Variants in CLCA4 observed in about 807,000 individuals in gnomAD.
CLCA4 encodes the protein calcium-activated chloride channel regulator 4.
CLCA4 carries 69 observed loss-of-function variants against 78.9 expected under a neutral mutation model. The ratio of observed to expected loss-of-function variants is 0.87; its 90% CI spans 0.72 to 1.07. CLCA4 has a LOEUF of 1.07. Ranked by LOEUF, CLCA4 falls within the 50% of genes least tolerant of loss-of-function variation. The pLI is 0.00. For missense variants in CLCA4, 1,133 were observed against 1,095.8 expected (o/e 1.03, Z -0.48); for synonymous variants, 362 against 375.8 (o/e 0.96, Z 0.42).
chr1:86,580,304 T>A lies in CLCA4; in HGVS notation c.2719T>A (p.Ser907Thr). ...ISTLVLSVIG[S>T]VVIVNFILST... is the part of the protein sequence containing the mutation. ...TACGCTGGTATTGTCTGTGATTGGG[T>A]CTGTTGTAATTGTTAACTTTATTTT... Residue 907 changes from serine to threonine, a missense_variant, in exon 14 of 14, where the codon TCT becomes ACT. Coordinates refer to ENST00000370563, the MANE Select transcript of CLCA4 (RefSeq NM_012128.4). 1 of 1,605,904 alleles carries A rather than the reference T, an allele frequency of 6.2e-7. No individual in the cohort carries two copies. Among genetic ancestry groups the A allele is most frequent in the Non-Finnish European group, 8.5e-7 (1 of 1,177,424 alleles).
rs1456176534 is a variant in CLCA4 at position 86,575,376 on chromosome 1, A to G, written c.1728A>G (p.Glu576=). Residue 576 remains glutamate (E), a synonymous_variant, in exon 11 of 14, where the codon GAA becomes GAG. Transcript: ENST00000370563. ...AYNLQAKANP[E]TLTITVTSRA... is the part of the protein sequence containing the mutation. ...ATCTTCAAGCCAAAGCGAACCCAGAAACATTAACTATTACAGTAACTTCTC... is the reference window on the plus strand; with the variant it reads ...ATCTTCAAGCCAAAGCGAACCCAGAGACATTAACTATTACAGTAACTTCTC... The G allele has an allele frequency of 6.2e-7, 1 of 1,613,388 alleles. No individual in the cohort carries two copies. The highest frequency in any genetic ancestry group is 1.7e-5 in the Admixed American group (1 of 59,940).
intron 3 of CLCA4, 99 bp downstream of exon 3, chr1:86,560,457 C>A: frequency 8.5e-7 from 1 of 1,182,796 alleles, no homozygotes; most frequent in Non-Finnish European, 1.2e-6. Flanking sequence ...TCCCTAGAAT[C>A]AAATCCTGGC....
In CLCA4 at chr1:86,575,527, G is replaced by A. The variant is rs1291579484; in HGVS notation, c.1879G>A (p.Ala627Thr). The A allele has an allele frequency of 2.5e-6, 4 of 1,613,308 alleles. No homozygotes were observed. The African/African-American group carries it at 5.3e-5, about 22-fold the overall frequency. Residue 627 changes from alanine (A) to threonine (T), a missense_variant, in exon 11 of 14, where the codon GCC becomes ACC. Ala to Thr is a moderately conservative substitution (Grantham distance 58). Coordinates refer to ENST00000370563, the MANE Select transcript of CLCA4 (RefSeq NM_012128.4). ...ACAAGGATATGTACCTGTTCTTGGA[G>A]CCAATGTGACTGCTTTCATTGAATC... ...ILQGYVPVLG[A>T]NVTAFIESQN...
At chr1:86,553,083 C>T in intron 1 of CLCA4, 2 of 700,964 alleles carry the variant, frequency 2.9e-6, no homozygotes, top group Non-Finnish European at 2.5e-6. Context: ...CCAGCGGCGC[C>T]CACCCTGCAG....
chr1:86,547,654 T>C (rs1187592347), intron 1 of CLCA4, among the ~76,000 whole-genome samples: 2 of 152,178 alleles, frequency 1.3e-5, no homozygotes, highest in Non-Finnish European at 2.9e-5. Context: ...ATAAGTATCA[T>C]TCTACTCTCT....
At chr1:86,573,629 A>G (rs1424659883) in intron 9 of CLCA4, among the ~76,000 whole-genome samples, 1 of 152,044 alleles carries the variant, frequency 6.6e-6, no homozygotes, top group African/African-American at 2.4e-5. Context: ...TTGTTTGGAC[A>G]TCTTGTCTGC....
chr1:86,550,093 C>T (rs1649611571), intron 1 of CLCA4, among the ~76,000 whole-genome samples: 1 of 152,198 alleles, frequency 6.6e-6, no homozygotes, highest in Non-Finnish European at 1.5e-5. Context: ...CTGTGTTCTG[C>T]TGCTTATGGT....
At chr1:86,556,609 G>A (rs150365966) in intron 1 of CLCA4, among the ~76,000 whole-genome samples, 1 of 152,184 alleles carries the variant, frequency 6.6e-6, no homozygotes, top group East Asian at 1.9e-4. Flanking sequence ...GAGAATTTTT[G>A]CATCAATGTT....
At chr1:86,574,024 TA>T (rs1299218422) in intron 9 of CLCA4, among the ~76,000 whole-genome samples, 1 of 152,094 alleles carries the variant, frequency 6.6e-6, no homozygotes. Flanking sequence ...TTTGTCACTT[TA>T]AAAAATGAGT....
chr1:86,556,376 C>CT (rs2101795071), intron 1 of CLCA4, among the ~76,000 whole-genome samples: 1 of 152,110 alleles, frequency 6.6e-6, no homozygotes, highest in East Asian at 1.9e-4. Context: ...AGGTATTTTC[C>CT]TTCAATACCT....
At chr1:86,552,733 C>T (rs1374587747) in intron 1 of CLCA4, 1 of 1,435,406 alleles carries the variant, frequency 7.0e-7, no homozygotes, top group Non-Finnish European at 9.8e-7. Flanking sequence ...CACAGGGGCC[C>T]GGCCCGGCAC....
Position 86,571,073 on chromosome 1 carries a change from G to T in CLCA4, c.1183-4G>T, listed in dbSNP as rs763992449. The stretch of plus-strand genomic sequence containing the variant: ...GGTAACTGTGCTCTGCATTATGTTT[G>T]CAGGTGATTGGAGAGCTACATTCCC... On this transcript the variant is annotated splice_region_variant and splice_polypyrimidine_tract_variant and intron_variant, in intron 7 of 13. Transcript: ENST00000370563. 1 of 1,604,722 alleles carries T rather than the reference G, an allele frequency of 6.2e-7. No individual in the cohort carries two copies. Among genetic ancestry groups the T allele is most frequent in the Non-Finnish European group, 8.5e-7 (1 of 1,172,922 alleles).
intron 1 of CLCA4, among the ~76,000 whole-genome samples, chr1:86,549,412 CTG>C (rs1649592439): frequency 6.6e-6 from 1 of 152,186 alleles, no homozygotes; most frequent in South Asian, 2.1e-4. Context: ...GACTTTGACT[CTG>C]TGATGAAAAT....
At chr1:86,565,733 T>C in intron 5 of CLCA4, 69 bp from the exon 6 acceptor site, 1 of 958,352 alleles carries the variant, frequency 1.0e-6, no homozygotes, top group South Asian at 2.2e-5. Flanking sequence ...TTTAAATTTT[T>C]CAGGTTTGTA....
At position 86,557,689 on chromosome 1, in the gene CLCA4, G is replaced by C. The variant is rs546031414; in HGVS notation, c.160-2243G>C. 5.3e-5 allele frequency among the ~76,000 whole-genome samples: 8 copies of C among 152,300 alleles called. No individual in the cohort carries two copies. In the South Asian group the frequency reaches 1.5e-3, roughly 28 times the overall value. On this transcript the variant is annotated intron_variant, in intron 1 of 13. Coordinates refer to ENST00000370563, the MANE Select transcript of CLCA4 (RefSeq NM_012128.4). ...TGGTGATGAGAAGAATGTATATTCTGTTGTTATGGGGTGGAGAGTTCTGTA... is the reference window on the plus strand; with the variant it reads ...TGGTGATGAGAAGAATGTATATTCTCTTGTTATGGGGTGGAGAGTTCTGTA...
intron 1 of CLCA4, among the ~76,000 whole-genome samples, chr1:86,559,428 G>A (rs1056889345): frequency 2.0e-5 from 3 of 152,064 alleles, no homozygotes; most frequent in Non-Finnish European, 4.4e-5. Flanking sequence ...TGTTTTCTAC[G>A]AAGATTTCTT....
chr1:86,568,510 A>G (rs1195354306), intron 7 of CLCA4, among the ~76,000 whole-genome samples: 1 of 151,614 alleles, frequency 6.6e-6, no homozygotes, highest in Non-Finnish European at 1.5e-5. Flanking sequence ...CTGTTTAGAA[A>G]TCTTTACTGT....
intron 4 of CLCA4, 129 bp from the exon 5 acceptor site, chr1:86,565,145 T>G (rs1376228855): frequency 1.7e-6 from 1 of 585,538 alleles, no homozygotes; most frequent in Non-Finnish European, 3.0e-6. Flanking sequence ...ATAGCCAGGA[T>G]AGGAAGTACA....
chr1:86,565,846 A>G lies in CLCA4; in HGVS notation c.780A>G (p.Pro260=), dbSNP rs1298245689. Residue 260 remains proline (P), a synonymous_variant, in exon 6 of 14, where the codon CCA becomes CCG. Coordinates refer to ENST00000370563, the MANE Select transcript of CLCA4 (RefSeq NM_012128.4). The stretch of plus-strand genomic sequence containing the variant: ...AAAAAACCCATAATCAAGAAGCTCC[A>G]AGCCTACAAAACATAAAGTGCAATT... ...CNEKTHNQEA[P]SLQNIKCNFR... is the part of the protein sequence containing the mutation. 2 of 1,593,920 alleles carry G rather than the reference A, an allele frequency of 1.3e-6. No individual in the cohort carries two copies. The highest frequency in any genetic ancestry group is 1.3e-5 in the African/African-American group (1 of 74,238).
Sources: gnomAD v4.1 joint callset for allele counts (sites outside exome capture counted in the v4.1 genomes callset) on GRCh38, gnomAD v4.1.1 for gene constraint, MANE v1.5 for transcripts, NCBI Gene and HGNC (gene_info 2026-07-23, HGNC 2026-07-21) for gene names.